OXCT1: variants seen among roughly 807,000 people sequenced by gnomAD.
The protein encoded by OXCT1 is succinyl-CoA:3-ketoacid coenzyme A transferase 1, mitochondrial.
In OXCT1, 27 loss-of-function variants were observed where a neutral mutation model predicts 69.6. That is an observed-to-expected ratio of 0.39 (90% CI 0.29 to 0.54). The LOEUF is 0.54. OXCT1 is among the 20% of genes least tolerant of loss of function. OXCT1 has a pLI of 0.72. For missense variants in OXCT1, 437 were observed against 650.2 expected (o/e 0.67, Z 3.57); for synonymous variants, 202 against 217.8 (o/e 0.93, Z 0.64).
chr5:41,869,072 G>A (rs1394517681), intron 1 of OXCT1, among the ~76,000 whole-genome samples: 1 of 152,168 alleles, frequency 6.6e-6, no homozygotes, highest in Non-Finnish European at 1.5e-5. Context: ...TCTCACTGAA[G>A]GTCAAGTTCC....
chr5:41,858,573 A>T (rs1023587159), intron 3 of OXCT1, among the ~76,000 whole-genome samples: 3 of 152,206 alleles, frequency 2.0e-5, no homozygotes, highest in Non-Finnish European at 4.4e-5. Flanking sequence ...TGGTGACTAG[A>T]AAAAGTCTAA....
At position 41,735,691 on chromosome 5, in the gene OXCT1, C is replaced by CT. The variant is rs796520809; in HGVS notation, c.1521+3698dup. Reference sequence around the variant, plus strand: ...CCAATAGCGCTGGGGACAGGGGAGCCTTTATTCCCCACTTCTCATATTCCA... The same window carrying CT: ...CCAATAGCGCTGGGGACAGGGGAGCCTTTTATTCCCCACTTCTCATATTCCA... On this transcript the variant is annotated intron_variant, in intron 16 of 16. Transcript: ENST00000196371. Among the ~76,000 whole-genome samples the CT allele has an allele frequency of 1.9e-4, 29 of 152,312 alleles. 1 individual carries two copies. Among genetic ancestry groups the CT allele is most frequent in the African/African-American group, 7.0e-4 (29 of 41,574 alleles).
intron 7 of OXCT1, among the ~76,000 whole-genome samples, chr5:41,829,371 T>C (rs1747981782): frequency 6.6e-6 from 1 of 152,088 alleles, no homozygotes. Flanking sequence ...CACCAATCCA[T>C]CAAGAAAGGG....
At chr5:41,809,810 G>A (rs974171043) in intron 7 of OXCT1, among the ~76,000 whole-genome samples, 1 of 152,002 alleles carries the variant, frequency 6.6e-6, no homozygotes, top group Non-Finnish European at 1.5e-5. Flanking sequence ...CTAACAGAAT[G>A]AATATGTCCT....
intron 7 of OXCT1, among the ~76,000 whole-genome samples, chr5:41,825,125 G>T (rs999388593): frequency 6.6e-6 from 1 of 152,170 alleles, no homozygotes; most frequent in South Asian, 2.1e-4. Context: ...TTTGTATTTA[G>T]AATTCTCTTC....
intron 7 of OXCT1, among the ~76,000 whole-genome samples, chr5:41,812,116 CA>C (rs964299524): frequency 1.3e-5 from 2 of 151,890 alleles, no homozygotes; most frequent in African/African-American, 4.8e-5. Flanking sequence ...TGAGAGAAAC[CA>C]AGATTCAGGA....
intron 7 of OXCT1, among the ~76,000 whole-genome samples, chr5:41,824,226 A>C (rs1747698681): frequency 6.6e-6 from 1 of 152,206 alleles, no homozygotes; most frequent in Non-Finnish European, 1.5e-5. Flanking sequence ...AAATATACAC[A>C]ATAAAACCTA....
Position 41,773,610 on chromosome 5 carries a change from C to T in OXCT1, c.1249-11410G>A, listed in dbSNP as rs376208176. ...AGTGAGACCTTATCCCTTCGCAACC[C>T]GCCCACCCCCACCCCTCTGCCAAAA... On this transcript the variant is annotated intron_variant, in intron 13 of 16. Coordinates refer to ENST00000196371, the MANE Select transcript of OXCT1 (RefSeq NM_000436.4). Among the ~76,000 whole-genome samples, 16 of 145,048 alleles carry T rather than the reference C, an allele frequency of 1.1e-4. No homozygotes were observed. In the South Asian group the frequency reaches 3.4e-3, roughly 31 times the overall value.
chr5:41,776,315 T>C (rs1388312535), intron 13 of OXCT1, among the ~76,000 whole-genome samples: 4 of 152,200 alleles, frequency 2.6e-5, no homozygotes, highest in Non-Finnish European at 1.5e-5. Context: ...AGCAATGCAG[T>C]ACCCTGAACT....
At chr5:41,744,287 A>G (rs1743354056) in intron 15 of OXCT1, among the ~76,000 whole-genome samples, 1 of 152,158 alleles carries the variant, frequency 6.6e-6, no homozygotes, top group Non-Finnish European at 1.5e-5. Context: ...GTGTATAAGA[A>G]TGCTTGTGAT....
At position 41,868,404 on chromosome 5, in the gene OXCT1, A is replaced by G. The variant is rs560631652; in HGVS notation, c.78+1877T>C. The stretch of plus-strand genomic sequence containing the variant: ...CACATCTGAAAAGTTAAACAAGTAG[A>G]TAAGTGGTACAGTTCAACAGAAGCA... On this transcript the variant is annotated intron_variant, in intron 1 of 16. Coordinates refer to ENST00000196371, the MANE Select transcript of OXCT1 (RefSeq NM_000436.4). 1.6e-4 allele frequency among the ~76,000 whole-genome samples: 24 copies of G among 152,324 alleles called. No homozygotes were observed. In the South Asian group the frequency reaches 4.2e-3, roughly 26 times the overall value.
intron 7 of OXCT1, among the ~76,000 whole-genome samples, chr5:41,833,992 G>A (rs1338024869): frequency 6.7e-6 from 1 of 150,346 alleles, no homozygotes; most frequent in African/African-American, 2.4e-5. Context: ...TGGGCAACAA[G>A]AGCAAAATTC....
chr5:41,856,380 G>A (rs1210730288), intron 3 of OXCT1, among the ~76,000 whole-genome samples: 2 of 152,170 alleles, frequency 1.3e-5, no homozygotes, highest in African/African-American at 4.8e-5. Flanking sequence ...ACAAGCACTA[G>A]TGACGCCTAC....
At position 41,762,048 on chromosome 5, in the gene OXCT1, C is replaced by T; in HGVS notation, c.1338+63G>A. Reference sequence around the variant, plus strand: ...TCCACAGTTAGGTGACCTGGTGGTACACTGGGTTTTGATGTATTGCAAATT... The same window carrying T: ...TCCACAGTTAGGTGACCTGGTGGTATACTGGGTTTTGATGTATTGCAAATT... On this transcript the variant is annotated intron_variant, in intron 14 of 16. Transcript: ENST00000196371. This position sits in a 1 kb window ranked among gnomAD's most constrained non-coding sequence, Gnocchi z 4.0. 1.9e-6 allele frequency: 2 copies of T among 1,058,184 alleles called. No individual in the cohort carries two copies. The highest frequency in any genetic ancestry group is 2.4e-5 in the East Asian group (1 of 42,304). 65.5% of individuals were successfully genotyped at this position (1,058,184 alleles called of 1,614,324 possible). A position where few individuals can be genotyped will look rare whatever the true frequency, so the allele number is the denominator to read the frequency against.
chr5:41,852,029 C>G (rs1230982269), intron 4 of OXCT1, among the ~76,000 whole-genome samples: 1 of 152,012 alleles, frequency 6.6e-6, no homozygotes, highest in Non-Finnish European at 1.5e-5. Flanking sequence ...GAAGAGACAC[C>G]CAGAGAGTGA....
intron 10 of OXCT1, 76 bp downstream of exon 10, chr5:41,802,993 T>C: frequency 1.9e-6 from 2 of 1,077,432 alleles, no homozygotes; most frequent in African/African-American, 1.6e-5. Flanking sequence ...TAAAAAAATT[T>C]AATAAAAAAT....
chr5:41,844,793 T>C (rs1748812730), intron 5 of OXCT1, among the ~76,000 whole-genome samples: 1 of 152,024 alleles, frequency 6.6e-6, no homozygotes, highest in Non-Finnish European at 1.5e-5. Flanking sequence ...GTAAATCCTG[T>C]TGGCTCTACC....
rs538596980 is a variant in OXCT1 at position 41,863,793 on chromosome 5, G to A, written c.79-1043C>T. 3.9e-5 allele frequency among the ~76,000 whole-genome samples: 6 copies of A among 152,278 alleles called. No individual in the cohort carries two copies. The South Asian group carries it at 1.2e-3, about 32-fold the overall frequency. ...TTACTGTAAACCCACCATGTGTCAA[G>A]TCCTGTACTATTTATTCCAACACAG... On this transcript the variant is annotated intron_variant, in intron 1 of 16. Coordinates refer to ENST00000196371, the MANE Select transcript of OXCT1 (RefSeq NM_000436.4).
At chr5:41,853,868 C>G (rs1428944906) in intron 3 of OXCT1, among the ~76,000 whole-genome samples, 1 of 152,062 alleles carries the variant, frequency 6.6e-6, no homozygotes, top group Non-Finnish European at 1.5e-5. Context: ...CAGTTTTACC[C>G]CGCACCTTTT....
Sources: allele counts gnomAD v4.1 joint callset (sites outside exome capture counted in the v4.1 genomes callset), GRCh38; gene constraint gnomAD v4.1.1; non-coding constraint Gnocchi (gnomAD v3.1); transcripts MANE v1.5; gene names NCBI Gene and HGNC (gene_info 2026-07-23, HGNC 2026-07-21).